The following CFAP99 variants were observed in gnomAD, a reference collection of about 807,000 sequenced individuals.
CFAP99 encodes the protein cilia- and flagella-associated protein 99.
Under a neutral mutation model 82.7 loss-of-function variants are expected in CFAP99, and 84 were observed. The observed-to-expected ratio is 1.02, with a 90% CI of 0.85 to 1.22. The LOEUF (loss-of-function observed/expected upper bound fraction) is 1.22, where lower values mean the gene tolerates loss of function less well. Among genes scored for constraint, CFAP99 ranks in the 50% most tolerant of loss-of-function variants. The pLI is 0.00. For missense variants in CFAP99, 1,059 were observed against 983.5 expected (o/e 1.08, Z -1.03); for synonymous variants, 456 against 429.5 (o/e 1.06, Z -0.76).
intron 2 of CFAP99, among the ~76,000 whole-genome samples, chr4:2,435,528 A>T (rs1379795528): frequency 6.6e-6 from 1 of 152,218 alleles, no homozygotes; most frequent in East Asian, 1.9e-4. Flanking sequence ...CAATAAAAAA[A>T]GTTTAGCCAA....
intron 14 of CFAP99, among the ~76,000 whole-genome samples, chr4:2,460,869 G>C (rs1734606136): frequency 6.6e-6 from 1 of 152,078 alleles, no homozygotes; most frequent in African/African-American, 2.4e-5. Context: ...CTCCCAAGTA[G>C]CTGGGACTAC....
chr4:2,458,366 C>A (rs1243474939), intron 11 of CFAP99, among the ~76,000 whole-genome samples: 1 of 152,294 alleles, frequency 6.6e-6, no homozygotes, highest in East Asian at 1.9e-4. Flanking sequence ...GTCCCCCCTA[C>A]CCCGGGCCCC....
chr4:2,462,692 C>T lies in CFAP99; in HGVS notation c.1911C>T (p.Val637=). The T allele has an allele frequency of 6.4e-6, 8 of 1,257,146 alleles. No homozygotes were observed. Among genetic ancestry groups the T allele is most frequent in the Non-Finnish European group, 8.0e-6 (8 of 1,001,372 alleles). 77.9% of individuals were successfully genotyped at this position (1,257,146 alleles called of 1,614,324 possible). A position where few individuals can be genotyped will look rare whatever the true frequency, so the allele number is the denominator to read the frequency against. Residue 637 remains valine (V), a synonymous_variant, in exon 15 of 15, where the codon GTC becomes GTT. Transcript: ENST00000635017. The surrounding 1 kb of genome is among the most constrained non-coding windows in gnomAD (Gnocchi z 4.1). Reference sequence around the variant, plus strand: ...GGGCGCGGCGCGCAGGGACCGGCGTCCCGGGGCGGGGATGGCGGGGAGATC... The same window carrying T: ...GGGCGCGGCGCGCAGGGACCGGCGTTCCGGGGCGGGGATGGCGGGGAGATC...
At chr4:2,440,882 C>T (rs1329607956) in intron 4 of CFAP99, among the ~76,000 whole-genome samples, 1 of 152,010 alleles carries the variant, frequency 6.6e-6, no homozygotes, top group African/African-American at 2.4e-5. Context: ...GCGTCAGCCA[C>T]CGCGCCCGGC....
chr4:2,461,526 A>G (rs11936453), intron 14 of CFAP99, among the ~76,000 whole-genome samples: 2,441 of 152,296 alleles, frequency 0.016, 65 homozygotes, highest in African/African-American at 0.055. Flanking sequence ...CCAGCTCCCC[A>G]AGGTGGCACA....
rs1397330836 is a variant in CFAP99, at chr4:2,446,846, T to C, written c.642+1538T>C. Among the ~76,000 whole-genome samples the C allele has an allele frequency of 6.8e-6, 1 of 148,116 alleles. No homozygotes were observed. Among genetic ancestry groups the C allele is most frequent in the East Asian group, 2.0e-4 (1 of 4,908 alleles). On this transcript the variant is annotated intron_variant, in intron 6 of 14. Coordinates refer to ENST00000635017, the Ensembl canonical transcript of CFAP99. The surrounding 1 kb of genome is among the most constrained non-coding windows in gnomAD (Gnocchi z 5.0). ...ATGGATGGATGGATGGATGATTGGA[T>C]TGGTGAATGGATAGATGGATGATTG...
intron 5 of CFAP99, 52 bp downstream of exon 5, chr4:2,443,294 C>A: frequency 1.7e-6 from 2 of 1,177,846 alleles, no homozygotes; most frequent in Non-Finnish European, 2.4e-6. Flanking sequence ...GCACCCCATT[C>A]CAGGTGCCTC....
chr4:2,442,585 G>T (rs973399803), intron 4 of CFAP99, among the ~76,000 whole-genome samples: 1 of 152,092 alleles, frequency 6.6e-6, no homozygotes, highest in African/African-American at 2.4e-5. Context: ...TCAACTCCCT[G>T]CCCCCAAGAC....
chr4:2,442,002 G>T lies in CFAP99; in HGVS notation c.352-1128G>T, dbSNP rs548558655. On this transcript the variant is annotated intron_variant, in intron 4 of 14. Transcript: ENST00000635017. ...CCAGGGAATCTGCCCGCTGGCAGAG[G>T]GGGAGTCAGACCCACCGCAAAGCCC... is the stretch of plus-strand genomic sequence containing the variant. Among the ~76,000 whole-genome samples the T allele has an allele frequency of 5.9e-5, 9 of 152,288 alleles. 1 individual carries two copies. In the East Asian group the frequency reaches 1.7e-3, roughly 29 times the overall value.
At chr4:2,423,549 GTC>G (rs1733624865) in intron 1 of CFAP99, among the ~76,000 whole-genome samples, 1 of 152,178 alleles carries the variant, frequency 6.6e-6, no homozygotes. Flanking sequence ...GGTGTGGGTG[GTC>G]TCTCTTCCAT....
intron 14 of CFAP99, among the ~76,000 whole-genome samples, chr4:2,460,757 T>C (rs1301137196): frequency 2.0e-5 from 3 of 152,252 alleles, no homozygotes; most frequent in South Asian, 2.1e-4. Context: ...TTTGTTTTTG[T>C]TTTTGTTTTT....
At chr4:2,460,070 A>C (rs1181344155) in exon 14 of CFAP99, 2 of 1,536,080 alleles carry the variant, frequency 1.3e-6, no homozygotes, top group East Asian at 4.9e-5. Flanking sequence ...AGAGATGTCC[A>C]TAGTGGAGCT....
At chr4:2,460,066 G>A (rs763974633) in exon 14 of CFAP99, 1 of 1,536,040 alleles carries the variant, frequency 6.5e-7, no homozygotes, top group South Asian at 1.2e-5. Context: ...AAGGAGAGAT[G>A]TCCATAGTGG....
Position 2,426,601 on chromosome 4 carries a change from G to A in CFAP99, c.111+15G>A, listed in dbSNP as rs1278312527. ...CCTCCCTGCAGGTAGGATCTGCTGG[G>A]GGCTGCTGGGAGGCCACGCCAATGG... On this transcript the variant is annotated intron_variant, in intron 2 of 14. Coordinates refer to ENST00000635017, the Ensembl canonical transcript of CFAP99. 4 of 1,515,254 alleles carry A rather than the reference G, an allele frequency of 2.6e-6. No homozygotes were observed. In the African/African-American group the frequency reaches 5.5e-5, roughly 21 times the overall value. The allele number at this position is 1,515,254 out of a possible 1,614,324, so 93.9% of individuals were successfully genotyped here.
At position 2,437,021 on chromosome 4, in the gene CFAP99, A is replaced by T; in HGVS notation, c.256+3A>T. On this transcript the variant is annotated splice_donor_region_variant and intron_variant, in intron 3 of 14. Transcript: ENST00000635017. The stretch of plus-strand genomic sequence containing the variant: ...GGTTGACCACAGCCGCTTCGAGGGT[A>T]GGTGCCTGGCTGGTCCCCAGGGCCA... The T allele has an allele frequency of 6.5e-7, 1 of 1,536,004 alleles. No homozygotes were observed. Among genetic ancestry groups the T allele is most frequent in the Non-Finnish European group, 8.7e-7 (1 of 1,146,814 alleles).
At position 2,452,248 on chromosome 4, in the gene CFAP99, C is replaced by T. The variant is rs962625600; in HGVS notation, c.1063C>T (p.Arg355Trp). 12 of 1,535,934 alleles carry T rather than the reference C, an allele frequency of 7.8e-6. No homozygotes were observed. Among genetic ancestry groups the T allele is most frequent in the East Asian group, 2.4e-5 (1 of 40,928 alleles). Reference sequence around the variant, plus strand: ...GGAGCAGCTGGCTGCAAGCGAGTGCCGGCGGTTGCAAGGGAAGCTTAGCCA... The same window carrying T: ...GGAGCAGCTGGCTGCAAGCGAGTGCTGGCGGTTGCAAGGGAAGCTTAGCCA... Residue 355 changes from arginine to tryptophan, a missense_variant, in exon 11 of 15, where the codon CGG (arginine) becomes TGG (tryptophan). Coordinates refer to ENST00000635017, the Ensembl canonical transcript of CFAP99.
intron 2 of CFAP99, among the ~76,000 whole-genome samples, chr4:2,431,501 C>A (rs907598707): frequency 4.6e-5 from 7 of 152,142 alleles, no homozygotes; most frequent in African/African-American, 1.4e-4. Flanking sequence ...GACTGACTGA[C>A]CACCTGTCCC....
At chr4:2,427,256 A>G (rs1376063050) in intron 2 of CFAP99, 2 of 153,476 alleles carry the variant, frequency 1.3e-5, no homozygotes, top group African/African-American at 2.4e-5. Context: ...GCCCTGCCCC[A>G]CTCAGGGGCC....
At position 2,422,970 on chromosome 4, in the gene CFAP99, C is replaced by G. The variant is rs940765152; in HGVS notation, c.-17-3489C>G. ...TACAGGCGTGCCACCACACCTGAGT[C>G]ATTCTTTAATTTTTTTGTAGAGAAG... On this transcript the variant is annotated intron_variant, in intron 1 of 14. Coordinates refer to ENST00000635017, the Ensembl canonical transcript of CFAP99. 1.3e-5 allele frequency among the ~76,000 whole-genome samples: 2 copies of G among 152,198 alleles called. 1 individual carries two copies. Among genetic ancestry groups the G allele is most frequent in the South Asian group, 4.1e-4 (2 of 4,832 alleles).
Sources: allele counts gnomAD v4.1 joint callset (sites outside exome capture counted in the v4.1 genomes callset), GRCh38; gene constraint gnomAD v4.1.1; non-coding constraint Gnocchi (gnomAD v3.1); transcripts MANE v1.5; gene names NCBI Gene and HGNC (gene_info 2026-07-23, HGNC 2026-07-21).